MMADHC: variants seen among roughly 807,000 people sequenced by gnomAD.
The protein encoded by MMADHC is metabolism of cobalamin associated D.
MMADHC carries 23 observed loss-of-function variants against 36.3 expected under a neutral mutation model. The observed-to-expected ratio is 0.63, with a 90% CI of 0.46 to 0.90. The LOEUF is 0.90. Ranked by LOEUF, MMADHC falls within the 40% of genes least tolerant of loss-of-function variation. The pLI, the probability that MMADHC is intolerant of heterozygous loss-of-function variation, is 0.00. For synonymous variants in MMADHC, 97 were observed against 116.1 expected (o/e 0.84, Z 1.06); for missense variants, 330 against 348.0 (o/e 0.95, Z 0.41).
rs1558845006 is a variant in MMADHC, at chr2:149,571,126, CCTCAG to C, written c.650_654del (p.Ala217GlyfsTer5). On this transcript the variant is annotated frameshift_variant, in exon 7 of 8. Transcript: ENST00000303319. LOFTEE classifies it high-confidence loss of function. ...GGGTCAATAAAGTCAGCCCAATAAC[CCTCAG>C]CTCGAAGAGCATAGCAAATTTCCTT... 1 of 1,612,572 alleles carries C rather than the reference CCTCAG, an allele frequency of 6.2e-7. No homozygotes were observed. The highest frequency in any genetic ancestry group is 2.2e-5 in the East Asian group (1 of 44,746).
Position 149,579,702 on chromosome 2 carries a change from T to C in MMADHC, c.155-54A>G. 2.1e-6 allele frequency: 3 copies of C among 1,396,614 alleles called. No homozygotes were observed. The South Asian group carries it at 3.7e-5, about 17-fold the overall frequency. 86.5% of individuals were successfully genotyped at this position (1,396,614 alleles called of 1,614,324 possible). On this transcript the variant is annotated intron_variant, in intron 3 of 7. Coordinates refer to ENST00000303319, the MANE Select transcript of MMADHC (RefSeq NM_015702.3). ...TCTCCTTAATAGTCAAGTATATTGG[T>C]AGACTGAAAGAATGCTCTTCTTAAA... is the stretch of plus-strand genomic sequence containing the variant.
Position 149,587,361 on chromosome 2 carries a change from T to C in MMADHC, c.-52-212A>G, listed in dbSNP as rs1682888908. On this transcript the variant is annotated intron_variant, in intron 1 of 7. Coordinates refer to ENST00000303319, the MANE Select transcript of MMADHC (RefSeq NM_015702.3). ...GCAGTGCAGCTCAGAGCCCTTCCGG[T>C]TTACAGCCGCGGAAAAACAACTCGG... 5 of 553,356 alleles carry C rather than the reference T, an allele frequency of 9.0e-6. No individual in the cohort carries two copies. In the East Asian group the frequency reaches 1.5e-4, roughly 17 times the overall value. The allele number at this position is 553,356 out of a possible 1,614,324, so 34.3% of individuals were successfully genotyped here. A position where few individuals can be genotyped will look rare whatever the true frequency, so the allele number is the denominator to read the frequency against.
intron 3 of MMADHC, among the ~76,000 whole-genome samples, chr2:149,580,552 G>A (rs1423092179): frequency 1.3e-5 from 2 of 152,168 alleles, no homozygotes; most frequent in South Asian, 2.1e-4. Context: ...ATTACTCAGA[G>A]TAGAGATCTG....
chr2:149,575,410 G>A (rs909368490), intron 6 of MMADHC, among the ~76,000 whole-genome samples: 8 of 151,722 alleles, frequency 5.3e-5, no homozygotes, highest in Non-Finnish European at 8.8e-5. Context: ...AGAAGGAGAG[G>A]GAGGGGGAGG....
intron 2 of MMADHC, 27 bp downstream of exon 2, chr2:149,587,062 C>T: frequency 1.9e-6 from 3 of 1,611,142 alleles, no homozygotes; most frequent in Non-Finnish European, 2.5e-6. Context: ...GTTTACTATG[C>T]TGATTCTTAA....
intron 4 of MMADHC, among the ~76,000 whole-genome samples, chr2:149,579,186 C>G (rs1682758729): frequency 6.6e-6 from 1 of 151,628 alleles, no homozygotes; most frequent in Non-Finnish European, 1.5e-5. Flanking sequence ...AGAGTAGTTA[C>G]TTAAAAACAT....
At chr2:149,570,389 G>A (rs1293753585) in intron 7 of MMADHC, among the ~76,000 whole-genome samples, 1 of 152,164 alleles carries the variant, frequency 6.6e-6, no homozygotes, top group East Asian at 1.9e-4. Flanking sequence ...ATGTTACCTA[G>A]AATCAAATGC....
chr2:149,586,948 A>C (rs1221485946), intron 2 of MMADHC, 141 bp downstream of exon 2: 23 of 825,940 alleles, frequency 2.8e-5, no homozygotes, highest in Middle Eastern at 2.2e-4. Flanking sequence ...ATAATTTCAC[A>C]CCACTTGCTT....
At chr2:149,577,019 A>C (rs888759406) in intron 4 of MMADHC, among the ~76,000 whole-genome samples, 1 of 152,230 alleles carries the variant, frequency 6.6e-6, no homozygotes, top group African/African-American at 2.4e-5. Flanking sequence ...CCTACTATAC[A>C]TCAGGCACTA....
chr2:149,571,071 T>G lies in MMADHC; in HGVS notation c.696+14A>C, dbSNP rs1196375882. The G allele has an allele frequency of 6.3e-7, 1 of 1,575,400 alleles. No individual in the cohort carries two copies. ...TACTTCATATAATCTGATTTTCAAA[T>G]GATAATTACTCACTGCCAAACCAGA... On this transcript the variant is annotated intron_variant, in intron 7 of 7. Coordinates refer to ENST00000303319, the MANE Select transcript of MMADHC (RefSeq NM_015702.3).
intron 3 of MMADHC, among the ~76,000 whole-genome samples, chr2:149,580,038 T>A (rs1156949652): frequency 2.0e-5 from 3 of 152,164 alleles, no homozygotes; most frequent in Non-Finnish European, 4.4e-5. Context: ...CATATTCACG[T>A]ATTGTTTTGT....
At chr2:149,580,518 A>G (rs1682779666) in intron 3 of MMADHC, among the ~76,000 whole-genome samples, 2 of 152,332 alleles carry the variant, frequency 1.3e-5, no homozygotes, top group Non-Finnish European at 2.9e-5. Context: ...TCAGAAAAGA[A>G]TAAAGTAGAA....
At chr2:149,571,052 A>T in intron 7 of MMADHC, 33 bp downstream of exon 7, 3 of 1,455,216 alleles carry the variant, frequency 2.1e-6, no homozygotes, top group Non-Finnish European at 2.9e-6. Flanking sequence ...TCTCTACTTC[A>T]TATAATCTGA....
At position 149,587,152 on chromosome 2, in the gene MMADHC, G is replaced by T; in HGVS notation, c.-52-3C>A. On this transcript the variant is annotated splice_region_variant and splice_polypyrimidine_tract_variant and intron_variant, in intron 1 of 7. Coordinates refer to ENST00000303319, the MANE Select transcript of MMADHC (RefSeq NM_015702.3). ...GCTTTCCTTTGGTAAAGTTATTTCT[G>T]GGAAAGAACACAACAAAACAGACGA... 1 of 1,564,374 alleles carries T rather than the reference G, an allele frequency of 6.4e-7. No homozygotes were observed. Among genetic ancestry groups the T allele is most frequent in the Admixed American group, 1.7e-5 (1 of 59,958 alleles).
At chr2:149,579,831 C>T (rs368798761) in intron 3 of MMADHC, among the ~76,000 whole-genome samples, 183 bp from the exon 4 acceptor site, 1 of 152,132 alleles carries the variant, frequency 6.6e-6, no homozygotes, top group Non-Finnish European at 1.5e-5. Context: ...AACTGATTGA[C>T]AGATCACAGG....
Position 149,579,643 on chromosome 2 carries a change from G to T in MMADHC, c.160C>A (p.Arg54=), listed in dbSNP as rs118204047. 1 of 1,613,476 alleles carries T rather than the reference G, an allele frequency of 6.2e-7. No individual in the cohort carries two copies. Among genetic ancestry groups the T allele is most frequent in the South Asian group, 1.1e-5 (1 of 91,006 alleles). Residue 54 remains arginine, a synonymous_variant, in exon 4 of 8, where the codon CGA becomes AGA. Transcript: ENST00000303319. The stretch of plus-strand genomic sequence containing the variant: ...ATAGTTTCATCAGGCCACACTGTTC[G>T]AGAGCCTGAAGAGAAACAACAAAAG... ...VAAAPPDICS[R]TVWPDETMGP...
chr2:149,587,480 A>G, intron 1 of MMADHC, 184 bp downstream of exon 1: 1 of 334,202 alleles, frequency 3.0e-6, no homozygotes, highest in South Asian at 3.4e-5. Context: ...CTGCGTAACA[A>G]CAGCTCCAAG....
chr2:149,587,519 G>A (rs1682891891), intron 1 of MMADHC, 145 bp downstream of exon 1: 1 of 242,390 alleles, frequency 4.1e-6, no homozygotes, highest in Non-Finnish European at 8.2e-6. Flanking sequence ...GGAAAGATGA[G>A]GAAGCAGAAA....
At chr2:149,581,429 A>G (rs865884198) in intron 3 of MMADHC, among the ~76,000 whole-genome samples, 19 of 152,282 alleles carry the variant, frequency 1.2e-4, no homozygotes, top group Middle Eastern at 6.8e-3. Context: ...TGTGCCATGA[A>G]AAAAGGATTC....
Sources: gnomAD v4.1 joint callset for allele counts (sites outside exome capture counted in the v4.1 genomes callset) on GRCh38, gnomAD v4.1.1 for gene constraint, MANE v1.5 for transcripts, NCBI Gene and HGNC (gene_info 2026-07-23, HGNC 2026-07-21) for gene names.